Variants in ZNF541 observed in about 807,000 individuals in gnomAD.
ZNF541 encodes zinc finger protein 541.
ZNF541 carries 23 observed loss-of-function variants against 123.5 expected under a neutral mutation model. The ratio of observed to expected loss-of-function variants is 0.19; its 90% CI spans 0.13 to 0.26. ZNF541 has a LOEUF of 0.26. ZNF541 is among the 10% of genes least tolerant of loss of function. The pLI is 1.00. For synonymous variants in ZNF541, 751 were observed against 754.5 expected, an observed-to-expected ratio of 1.00 and a Z score of 0.08; for missense variants, 1,612 against 1,789.9, an observed-to-expected ratio of 0.90 and a Z score of 1.79.
At chr19:47,538,034 C>T (rs1358674582) in intron 9 of ZNF541, 108 bp downstream of exon 9, 18 of 1,303,116 alleles carry the variant, frequency 1.4e-5, no homozygotes, top group Non-Finnish European at 1.9e-5. Context: ...AGACTAGGTA[C>T]ACCCAGGCAG....
At chr19:47,560,831 TG>T in intron 2 of ZNF541, among the ~76,000 whole-genome samples, 1 of 152,090 alleles carries the variant, frequency 6.6e-6, no homozygotes, top group South Asian at 2.1e-4. Flanking sequence ...CCTCAATAGG[TG>T]AATGGATCAA....
chr19:47,552,720 GCGATAGAGCGAGA>G (rs1306896347), intron 3 of ZNF541, among the ~76,000 whole-genome samples: 2 of 100,172 alleles, frequency 2.0e-5, no homozygotes, highest in African/African-American at 8.0e-5. Context: ...TCTAGCCTGG[GCGATAGAGCGAGA>G]CTCCATCTCA....
rs34123668 is a variant in ZNF541 at position 47,525,917 on chromosome 19, C to CAAA, written c.3570+3030_3570+3032dup. Among the ~76,000 whole-genome samples, 275 of 56,724 alleles carry CAAA rather than the reference C, an allele frequency of 4.8e-3. 1 individual carries two copies. The highest frequency in any genetic ancestry group is 0.018 in the Middle Eastern group (2 of 110). 37.2% of individuals were successfully genotyped at this position (56,724 alleles called of 152,430 possible). On this transcript the variant is annotated intron_variant, in intron 14 of 16. Coordinates refer to ENST00000391901, the MANE Select transcript of ZNF541 (RefSeq NM_001277075.3). ...GGCGACAGAGCGAGACTCCGTCTCA[C>CAAA]AAAAAAAAAAAAAAAAAAAAAAAAC...
chr19:47,539,723 G>C lies in ZNF541; in HGVS notation c.2778C>G (p.His926Gln). Residue 926 changes from histidine to glutamine, a missense_variant, in exon 8 of 17, where the codon CAC becomes CAG. By Grantham distance (24) the His-to-Gln change is conservative. Coordinates refer to ENST00000391901, the MANE Select transcript of ZNF541 (RefSeq NM_001277075.3). Reference sequence around the variant, plus strand: ...CACCCACCATGGCCATGCTCCCTATGTGTCGGGTCACTGGAACCACGGGGA... The same window carrying C: ...CACCCACCATGGCCATGCTCCCTATCTGTCGGGTCACTGGAACCACGGGGA... ...QSIPVVPVTR[H>Q]IGSMAMGQEK... The C allele has an allele frequency of 7.0e-7, 1 of 1,437,266 alleles. No homozygotes were observed. Among genetic ancestry groups the C allele is most frequent in the Non-Finnish European group, 9.1e-7 (1 of 1,099,508 alleles). The allele number at this position is 1,437,266 out of a possible 1,614,324, so 89.0% of individuals were successfully genotyped here. A position where few individuals can be genotyped will look rare whatever the true frequency, so the allele number is the denominator to read the frequency against.
intron 9 of ZNF541, among the ~76,000 whole-genome samples, chr19:47,533,351 C>T (rs1303818247): frequency 3.5e-5 from 3 of 84,734 alleles, no homozygotes; most frequent in Admixed American, 2.0e-4. Flanking sequence ...CAGAGCGAGA[C>T]TCCATCTCAA....
intron 2 of ZNF541, among the ~76,000 whole-genome samples, chr19:47,565,815 T>C (rs1971239650): frequency 6.6e-6 from 1 of 152,220 alleles, no homozygotes; most frequent in African/African-American, 2.4e-5. Flanking sequence ...CACTGATGCC[T>C]TAATAGTTTT....
At chr19:47,572,285 G>A (rs772675202) in intron 1 of ZNF541, among the ~76,000 whole-genome samples, 2 of 152,206 alleles carry the variant, frequency 1.3e-5, no homozygotes, top group East Asian at 3.9e-4. Context: ...ACTTAATTAG[G>A]GCAGAATTGG....
In ZNF541 at chr19:47,531,652, C is replaced by A. The variant is rs1324227589; in HGVS notation, c.3395G>T (p.Gly1132Val). 6.5e-7 allele frequency: 1 copy of A among 1,543,238 alleles called. No homozygotes were observed. Among genetic ancestry groups the A allele is most frequent in the South Asian group, 1.2e-5 (1 of 83,604 alleles). Reference sequence around the variant, plus strand: ...CTTGCTGTTCCTCACCTGAACGTTGCCCTGAGCCTCGTGCAGGCAGTGCAG... The same window carrying A: ...CTTGCTGTTCCTCACCTGAACGTTGACCTGAGCCTCGTGCAGGCAGTGCAG... ...LALHCLHEAQ[G>V]NVQVALETLL... Residue 1132 changes from glycine to valine, a missense_variant, in exon 12 of 17, where the codon GGC becomes GTC. Gly to Val is a moderately radical substitution (Grantham distance 109, BLOSUM62 -3). This residue lies in a region of ZNF541 where 285 missense variants were observed against 407.3 expected (regional missense o/e 0.70). Transcript: ENST00000391901.
At position 47,545,366 on chromosome 19, in the gene ZNF541, C is replaced by T. The variant is rs753872049; in HGVS notation, c.1163G>A (p.Gly388Asp). The part of the protein sequence containing the change: ...RSTAECWPEG[G>D]SVPACLPLFR... ...GAGAGGCAGGCAGGCAGGCACGGAG[C>T]CGCCTTCGGGCCAGCACTCCGCGGT... The change falls in exon 5 of 17, where the codon GGC becomes GAC. Residue 388 changes from glycine (G) to aspartate (D), a missense_variant. By Grantham distance (94) the Gly-to-Asp change is moderately conservative. Around this residue, in one of 5 missense-constraint regions of ZNF541, gnomAD observed 1,080 missense variants for 1,013.8 expected, o/e 1.07. Transcript: ENST00000391901. The surrounding 1 kb of genome is among the most constrained non-coding windows in gnomAD (Gnocchi z 7.5). 1 of 1,539,122 alleles carries T rather than the reference C, an allele frequency of 6.5e-7. No homozygotes were observed.
intron 2 of ZNF541, among the ~76,000 whole-genome samples, chr19:47,558,670 T>C (rs1004048045): frequency 6.6e-6 from 1 of 151,140 alleles, no homozygotes; most frequent in African/African-American, 2.4e-5. Flanking sequence ...CTCAGCTCAC[T>C]GCATCCTCCG....
At chr19:47,534,355 T>C (rs1969718087) in intron 9 of ZNF541, among the ~76,000 whole-genome samples, 1 of 151,640 alleles carries the variant, frequency 6.6e-6, no homozygotes, top group Admixed American at 6.6e-5. Flanking sequence ...CAGAAAGAAA[T>C]ATCTAAAGAA....
chr19:47,540,656 T>G (rs1398103909), intron 6 of ZNF541, among the ~76,000 whole-genome samples: 1 of 152,192 alleles, frequency 6.6e-6, no homozygotes, highest in Non-Finnish European at 1.5e-5. Context: ...GCCAGGCTGG[T>G]CTCGAATTCC....
chr19:47,539,924 TG>T, intron 7 of ZNF541, 46 bp from the exon 8 acceptor site: 1 of 1,508,052 alleles, frequency 6.6e-7, no homozygotes. Flanking sequence ...ATAAGGTAGG[TG>T]GGGAAAGGAA....
At chr19:47,546,043 AC>A (rs903500612) in intron 4 of ZNF541, 63 bp from the exon 5 acceptor site, 2 of 1,377,196 alleles carry the variant, frequency 1.5e-6, no homozygotes, top group Admixed American at 2.9e-5. Context: ...CTGCTGTAGG[AC>A]CCTGGTGGCC....
At chr19:47,550,551 AATG>A (rs1464136071) in intron 3 of ZNF541, among the ~76,000 whole-genome samples, 14 of 152,246 alleles carry the variant, frequency 9.2e-5, no homozygotes. Flanking sequence ...CCTTGGATAA[AATG>A]ATAAAATATA....
chr19:47,546,045 C>T lies in ZNF541; in HGVS notation c.549-65G>A, dbSNP rs189555535. The T allele has an allele frequency of 1.9e-4, 255 of 1,368,886 alleles. 1 individual carries two copies. In the East Asian group the frequency reaches 6.5e-3, roughly 35 times the overall value. 84.8% of individuals were successfully genotyped at this position (1,368,886 alleles called of 1,614,324 possible). On this transcript the variant is annotated intron_variant, in intron 4 of 16. Coordinates refer to ENST00000391901, the MANE Select transcript of ZNF541 (RefSeq NM_001277075.3). ...GGGACCGGGCTTTCTGCTGTAGGAC[C>T]CTGGTGGCCCCCAAAAGTCTGTGGT...
In ZNF541 at chr19:47,545,797, C is replaced by T. The variant is rs543362890; in HGVS notation, c.732G>A (p.Glu244=). 1 of 1,542,986 alleles carries T rather than the reference C, an allele frequency of 6.5e-7. No homozygotes were observed. The highest frequency in any genetic ancestry group is 8.7e-7 in the Non-Finnish European group (1 of 1,144,098). ...TGCTGGGGGGCGGCTGGCCGGCCGA[C>T]TCGTGGGCGTGGGGGGAGTCCCCGC... is the stretch of plus-strand genomic sequence containing the variant. ...EACGDSPHAH[E]SAGQPPPSSL... is the part of the protein sequence containing the mutation. Residue 244 remains glutamate (E), a synonymous_variant, in exon 5 of 17, where the codon GAG becomes GAA. Coordinates refer to ENST00000391901, the MANE Select transcript of ZNF541 (RefSeq NM_001277075.3). The surrounding 1 kb of genome is among the most constrained non-coding windows in gnomAD (Gnocchi z 7.5).
rs910695095 is a variant in ZNF541 at position 47,521,722 on chromosome 19, G to C, written c.3712-68C>G. 5 of 1,527,048 alleles carry C rather than the reference G, an allele frequency of 3.3e-6. No individual in the cohort carries two copies. In the African/African-American group the frequency reaches 6.9e-5, roughly 21 times the overall value. The allele number at this position is 1,527,048 out of a possible 1,614,324, so 94.6% of individuals were successfully genotyped here. A position where few individuals can be genotyped will look rare whatever the true frequency, so the allele number is the denominator to read the frequency against. On this transcript the variant is annotated intron_variant, in intron 15 of 16. Coordinates refer to ENST00000391901, the MANE Select transcript of ZNF541 (RefSeq NM_001277075.3). This position sits in a 1 kb window ranked among gnomAD's most constrained non-coding sequence, Gnocchi z 4.2. ...TGCTGTAAGAGAGACACAGAGCTGG[G>C]GGCATACGTGTCTCCTGCAGGAAAA... is the stretch of plus-strand genomic sequence containing the variant.
Position 47,544,841 on chromosome 19 carries a change from TTGG to T in ZNF541, c.1685_1687del (p.Thr562del), listed in dbSNP as rs756640125. ...GGCATGGGAGAAGATCCGCTGGGAC[TTGG>T]TGATCATCTGGAACACCTGCATCTG... On this transcript the variant is annotated inframe_deletion, in exon 5 of 17. Coordinates refer to ENST00000391901, the MANE Select transcript of ZNF541 (RefSeq NM_001277075.3). The T allele has an allele frequency of 4.0e-5, 62 of 1,535,682 alleles. No homozygotes were observed. The African/African-American group carries it at 7.4e-4, about 18-fold the overall frequency.
Sources: gnomAD v4.1 joint callset for allele counts (sites outside exome capture counted in the v4.1 genomes callset) on GRCh38, gnomAD v4.1.1 for gene constraint, gnomAD v4.1.1 regional missense constraint, Gnocchi (gnomAD v3.1) non-coding constraint, MANE v1.5 for transcripts, NCBI Gene and HGNC (gene_info 2026-07-23, HGNC 2026-07-21) for gene names.